The following WDPCP variants were observed in gnomAD, a reference collection of about 807,000 sequenced individuals.
The protein encoded by WDPCP is WD repeat-containing and planar cell polarity effector protein fritz homolog.
A neutral mutation model predicts 93.1 loss-of-function variants in WDPCP; 71 were observed. That is an observed-to-expected ratio of 0.76 (90% CI 0.63 to 0.93). The LOEUF is 0.93. WDPCP is among the 40% of genes least tolerant of loss of function. WDPCP has a pLI of 0.00. For synonymous variants in WDPCP, 315 were observed against 315.0 expected, an observed-to-expected ratio of 1.00 and a Z score of 0.00; for missense variants, 844 against 887.4, an observed-to-expected ratio of 0.95 and a Z score of 0.62.
At chr2:63,767,542 G>A (rs894270800) in intron 2 of WDPCP, among the ~76,000 whole-genome samples, 1 of 152,208 alleles carries the variant, frequency 6.6e-6, no homozygotes, top group East Asian at 1.9e-4. Context: ...ACATTCTAGT[G>A]GGTATAGGTA....
At chr2:63,629,033 A>T (rs1017444542) in intron 3 of WDPCP, among the ~76,000 whole-genome samples, 1 of 152,150 alleles carries the variant, frequency 6.6e-6, no homozygotes, top group African/African-American at 2.4e-5. Flanking sequence ...TTCATCTATT[A>T]TTTCCTCTAA....
intron 3 of WDPCP, chr2:63,622,243 C>G (rs1172866931): frequency 1.2e-6 from 2 of 1,610,932 alleles, no homozygotes; most frequent in African/African-American, 2.7e-5. Flanking sequence ...TTGGCCTTCT[C>G]TGTAGCTGCC....
intron 9 of WDPCP, among the ~76,000 whole-genome samples, chr2:63,406,964 TA>T (rs1694638065): frequency 6.6e-6 from 1 of 152,178 alleles, no homozygotes; most frequent in South Asian, 2.1e-4. Context: ...CCTTCAGCTT[TA>T]AACATTCAGT....
intron 15 of WDPCP, among the ~76,000 whole-genome samples, chr2:63,154,377 G>A (rs1001233201): frequency 3.3e-5 from 5 of 151,960 alleles, no homozygotes; most frequent in African/African-American, 4.8e-5. Flanking sequence ...TTGACTTCAC[G>A]AATGTTGTAT....
intron 2 of WDPCP, among the ~76,000 whole-genome samples, chr2:63,663,931 A>G (rs1710255109): frequency 6.6e-6 from 1 of 152,168 alleles, no homozygotes; most frequent in African/African-American, 2.4e-5. Flanking sequence ...ATTTTCCCTC[A>G]TATATCAACA....
rs117814716 is a variant in WDPCP at position 63,727,481 on chromosome 2, C to T, written n.309-76643G>A. Among the ~76,000 whole-genome samples the T allele has an allele frequency of 2.0e-3, 298 of 152,290 alleles. 7 individuals carry two copies. In the East Asian group the frequency reaches 0.053, roughly 27 times the overall value. On this transcript the variant is annotated intron_variant and non_coding_transcript_variant, in intron 2 of 4. Transcript: ENST00000467687. ...TGTTGAGGAGTTTTACATCTATGCT[C>T]ATCAGGGATATTGGCCTGAATTTTT...
intron 3 of WDPCP, among the ~76,000 whole-genome samples, chr2:63,607,665 C>G (rs1368403251): frequency 2.0e-5 from 3 of 151,172 alleles, no homozygotes; most frequent in Non-Finnish European, 4.4e-5. Context: ...CCCATCTCTA[C>G]TAAAAATGCA....
chr2:63,574,445 C>G (rs1452443097), intron 1 of WDPCP, among the ~76,000 whole-genome samples: 4 of 152,064 alleles, frequency 2.6e-5, no homozygotes, highest in East Asian at 1.9e-4. Context: ...TTAGAAAATC[C>G]CTATTTTCTT....
At chr2:63,783,160 C>T (rs1379526408) in intron 2 of WDPCP, among the ~76,000 whole-genome samples, 1 of 151,980 alleles carries the variant, frequency 6.6e-6, no homozygotes. Flanking sequence ...TGCATGTAAA[C>T]TCAGTGCTTT....
intron 14 of WDPCP, among the ~76,000 whole-genome samples, chr2:63,225,314 TTG>T (rs962870515): frequency 2.6e-5 from 4 of 151,682 alleles, no homozygotes; most frequent in African/African-American, 9.7e-5. Context: ...AAAAGAAACT[TTG>T]TGAATCATCA....
intron 13 of WDPCP, among the ~76,000 whole-genome samples, chr2:63,267,224 G>T (rs1682209692): frequency 1.3e-5 from 2 of 152,096 alleles, no homozygotes; most frequent in Non-Finnish European, 2.9e-5. Context: ...AACATGCAAT[G>T]GGAAAGAACA....
the WDPCP span, among the ~76,000 whole-genome samples, chr2:63,836,848 G>T: frequency 6.6e-6 from 1 of 152,148 alleles, no homozygotes; most frequent in Admixed American, 6.5e-5. Flanking sequence ...ATCTAGAGGG[G>T]AATTATTGAT....
intron 1 of WDPCP, among the ~76,000 whole-genome samples, chr2:63,494,703 A>G (rs929042662): frequency 3.3e-5 from 5 of 151,880 alleles, no homozygotes; most frequent in Non-Finnish European, 2.9e-5. Flanking sequence ...GGGGGATCAC[A>G]AGGTCAGGAG....
chr2:63,302,165 T>C (rs1476038481), intron 13 of WDPCP, among the ~76,000 whole-genome samples: 2 of 152,198 alleles, frequency 1.3e-5, no homozygotes, highest in Non-Finnish European at 2.9e-5. Context: ...GATAGGTATA[T>C]AGAAGCTTTC....
intron 13 of WDPCP, among the ~76,000 whole-genome samples, chr2:63,277,470 A>G (rs1338895833): frequency 6.6e-6 from 1 of 152,260 alleles, no homozygotes; most frequent in Admixed American, 6.5e-5. Context: ...CAGAATGCAT[A>G]AGAATTCACC....
intron 12 of WDPCP, among the ~76,000 whole-genome samples, chr2:63,369,678 T>C (rs542806638): frequency 6.6e-6 from 1 of 152,290 alleles, no homozygotes; most frequent in East Asian, 1.9e-4. Context: ...CTCTTACCTC[T>C]ATCTGTACAA....
rs551948597 is a variant in WDPCP at position 63,221,983 on chromosome 2, A to T, written c.1915+37324T>A. 4.6e-5 allele frequency among the ~76,000 whole-genome samples: 7 copies of T among 152,238 alleles called. No individual in the cohort carries two copies. In the South Asian group the frequency reaches 1.5e-3, roughly 32 times the overall value. ...TGCGGGCTGTCCCATTCTGGGTTGG[A>T]TCCTTTCCCATAGTTGGAGAGAACA... On this transcript the variant is annotated intron_variant, in intron 14 of 17. Transcript: ENST00000272321.
chr2:63,753,823 TAA>T (rs761387746), intron 2 of WDPCP, among the ~76,000 whole-genome samples: 3 of 152,084 alleles, frequency 2.0e-5, no homozygotes, highest in Admixed American at 2.0e-4. Flanking sequence ...CCAAACAATA[TAA>T]GTTATGGAAG....
chr2:63,809,599 T>C (rs1350279544), intron 2 of WDPCP, among the ~76,000 whole-genome samples: 1 of 152,188 alleles, frequency 6.6e-6, no homozygotes, highest in East Asian at 1.9e-4. Context: ...ATCCTGTTGA[T>C]CTGTGACCTT....
Sources: allele counts gnomAD v4.1 joint callset (sites outside exome capture counted in the v4.1 genomes callset), GRCh38; gene constraint gnomAD v4.1.1; transcripts MANE v1.5; gene names NCBI Gene and HGNC (gene_info 2026-07-23, HGNC 2026-07-21).